ARHGAP40: variants seen among roughly 807,000 people sequenced by gnomAD.
ARHGAP40 encodes Rho GTPase activating protein 40, also known as rho GTPase-activating protein 40.
In ARHGAP40, 43 loss-of-function variants were observed where a neutral mutation model predicts 73.5. The observed-to-expected ratio is 0.58, with a 90% CI of 0.46 to 0.75. ARHGAP40 has a LOEUF of 0.75. ARHGAP40 is among the 30% of genes least tolerant of loss of function. ARHGAP40 has a pLI of 0.00. For missense variants in ARHGAP40, 734 were observed against 861.8 expected (o/e 0.85, Z 1.86); for synonymous variants, 300 against 352.8 (o/e 0.85, Z 1.68).
At chr20:38,645,126 T>C (rs1186766460) in intron 11 of ARHGAP40, among the ~76,000 whole-genome samples, 1 of 151,570 alleles carries the variant, frequency 6.6e-6, no homozygotes, top group African/African-American at 2.4e-5. Context: ...TTATGCAGTT[T>C]ACTCTGCCTG....
At chr20:38,640,145 T>TTATTCC (rs1568611143) in intron 9 of ARHGAP40, among the ~76,000 whole-genome samples, 6 of 54,914 alleles carry the variant, frequency 1.1e-4, no homozygotes, top group African/African-American at 2.4e-4. Context: ...TTCTTCTTTC[T>TTATTCC]TCTTCCTCTT....
chr20:38,635,875 A>G (rs1017217089), intron 6 of ARHGAP40, among the ~76,000 whole-genome samples: 2 of 152,200 alleles, frequency 1.3e-5, no homozygotes, highest in African/African-American at 4.8e-5. Flanking sequence ...TCTTGCTCAC[A>G]TGTTTATGAG....
exon 2 of ARHGAP40, chr20:38,623,439 G>C: frequency 7.7e-7 from 1 of 1,290,960 alleles, no homozygotes; most frequent in Non-Finnish European, 1.0e-6. Flanking sequence ...TCTGCTGGCT[G>C]TTCCACTGGA....
intron 6 of ARHGAP40, 147 bp from the exon 7 acceptor site, chr20:38,637,561 G>C: frequency 2.1e-6 from 1 of 470,656 alleles, no homozygotes; most frequent in Admixed American, 3.3e-5. Flanking sequence ...CTCAAGAGGA[G>C]CGGTTTGGGT....
At chr20:38,607,010 G>A (rs2088773933) in intron 1 of ARHGAP40, among the ~76,000 whole-genome samples, 2 of 152,154 alleles carry the variant, frequency 1.3e-5, no homozygotes, top group East Asian at 1.9e-4. Context: ...GTGAACAGCG[G>A]TACCTGCTTC....
chr20:38,630,779 G>T (rs1457697347), intron 5 of ARHGAP40, among the ~76,000 whole-genome samples: 1 of 152,032 alleles, frequency 6.6e-6, no homozygotes, highest in Non-Finnish European at 1.5e-5. Context: ...CTCAGTGCCC[G>T]CATGCCCTTC....
At chr20:38,631,138 C>T (rs186324943) in intron 5 of ARHGAP40, among the ~76,000 whole-genome samples, 1 of 151,878 alleles carries the variant, frequency 6.6e-6, no homozygotes, top group Admixed American at 6.6e-5. Flanking sequence ...ATAACAATAC[C>T]CCATCTCTAC....
exon 1 of ARHGAP40, chr20:38,601,832 A>T (rs2088734416): frequency 8.2e-7 from 1 of 1,217,686 alleles, no homozygotes; most frequent in African/African-American, 1.6e-5. Context: ...GGTGTCTGGG[A>T]ACTGGGTGCG....
At chr20:38,643,481 G>A (rs1445352775) in intron 10 of ARHGAP40, among the ~76,000 whole-genome samples, 2 of 152,210 alleles carry the variant, frequency 1.3e-5, no homozygotes, top group Admixed American at 1.3e-4. Context: ...GAGGGAGCAG[G>A]GGAGGGAAAG....
chr20:38,646,323 T>C lies in ARHGAP40; in HGVS notation c.1710+136T>C. 9.8e-7 allele frequency: 1 copy of C among 1,025,098 alleles called. No homozygotes were observed. Among genetic ancestry groups the C allele is most frequent in the South Asian group, 2.0e-5 (1 of 51,194 alleles). 63.5% of individuals were successfully genotyped at this position (1,025,098 alleles called of 1,614,324 possible). Reference sequence around the variant, plus strand: ...GCCCAGTGAGGCCACCAGGGGGCGTTGCGGCGCCGTCACGGGGAGCGAGGA... The same window carrying C: ...GCCCAGTGAGGCCACCAGGGGGCGTCGCGGCGCCGTCACGGGGAGCGAGGA... On this transcript the variant is annotated intron_variant, in intron 12 of 14. Transcript: ENST00000373345. This position sits in a 1 kb window ranked among gnomAD's most constrained non-coding sequence, Gnocchi z 4.5.
At chr20:38,618,518 G>A (rs1213830518) in intron 1 of ARHGAP40, among the ~76,000 whole-genome samples, 2 of 152,168 alleles carry the variant, frequency 1.3e-5, no homozygotes, top group Non-Finnish European at 2.9e-5. Context: ...TTGGGACAGA[G>A]CGGGCAAGAA....
intron 7 of ARHGAP40, 112 bp from the exon 8 acceptor site, chr20:38,638,649 A>G (rs543581676): frequency 6.9e-5 from 49 of 705,418 alleles, no homozygotes; most frequent in Admixed American, 4.0e-4. Context: ...TCCGAAGGAA[A>G]CCCTTCTCCT....
At chr20:38,610,545 G>C (rs1043106913) in intron 1 of ARHGAP40, among the ~76,000 whole-genome samples, 32 of 152,204 alleles carry the variant, frequency 2.1e-4, no homozygotes, top group African/African-American at 5.8e-4. Context: ...TTTTAGGGGA[G>C]ACAGGAGTTA....
exon 2 of ARHGAP40, chr20:38,623,509 T>C (rs560761010): frequency 7.7e-7 from 1 of 1,290,706 alleles, no homozygotes; most frequent in African/African-American, 1.5e-5. Context: ...AACAGAGAGA[T>C]GAGCTGAGGG....
intron 1 of ARHGAP40, among the ~76,000 whole-genome samples, chr20:38,623,091 C>G (rs751847017): frequency 1.3e-5 from 2 of 152,168 alleles, no homozygotes; most frequent in Non-Finnish European, 2.9e-5. Context: ...TAGGTATGTC[C>G]AAGACTGTTA....
intron 2 of ARHGAP40, among the ~76,000 whole-genome samples, chr20:38,624,997 C>T (rs956914735): frequency 2.0e-5 from 3 of 152,238 alleles, no homozygotes; most frequent in African/African-American, 7.2e-5. Context: ...TCCATCCTTA[C>T]TTGTTCAGCA....
chr20:38,650,060 G>C, exon 15 of ARHGAP40: 1 of 363,870 alleles, frequency 2.7e-6, no homozygotes, highest in South Asian at 2.1e-5. Flanking sequence ...TAGGGCCTCA[G>C]GGAGGGGAGG....
intron 5 of ARHGAP40, among the ~76,000 whole-genome samples, chr20:38,631,173 G>A (rs2088935612): frequency 6.6e-6 from 1 of 152,110 alleles, no homozygotes; most frequent in Non-Finnish European, 1.5e-5. Flanking sequence ...ATAGCCAGGT[G>A]TGATGGTGCA....
chr20:38,618,467 A>G (rs957014056), intron 1 of ARHGAP40, among the ~76,000 whole-genome samples: 1 of 152,144 alleles, frequency 6.6e-6, no homozygotes, highest in East Asian at 1.9e-4. Flanking sequence ...GCACATAACA[A>G]CCATCATTTT....
Sources: allele counts gnomAD v4.1 joint callset (sites outside exome capture counted in the v4.1 genomes callset), GRCh38; gene constraint gnomAD v4.1.1; non-coding constraint Gnocchi (gnomAD v3.1); transcripts MANE v1.5; gene names NCBI Gene and HGNC (gene_info 2026-07-23, HGNC 2026-07-21).